Variants in CTNND2 observed in about 807,000 individuals in gnomAD.
CTNND2 encodes catenin delta 2.
CTNND2 carries 22 observed loss-of-function variants against 144.4 expected under a neutral mutation model. The ratio of observed to expected loss-of-function variants is 0.15; its 90% CI spans 0.11 to 0.22. The LOEUF is 0.22. Among genes scored for constraint, CTNND2 ranks in the 10% least tolerant of loss-of-function variants. The pLI, the probability that CTNND2 is intolerant of heterozygous loss-of-function variation, is 1.00. For synonymous variants in CTNND2, 751 were observed against 695.6 expected, an observed-to-expected ratio of 1.08 and a Z score of -1.25; for missense variants, 1,353 against 1,618.8, an observed-to-expected ratio of 0.84 and a Z score of 2.82.
chr5:11,015,280 T>A (rs530406640), intron 18 of CTNND2, among the ~76,000 whole-genome samples: 3 of 152,330 alleles, frequency 2.0e-5, no homozygotes, highest in African/African-American at 4.8e-5. Context: ...GGAAAGCTTT[T>A]TTGAATTTTG....
In CTNND2 at chr5:11,519,753, AAGGT is replaced by A. The variant is rs549474753; in HGVS notation, c.287+45187_287+45190del. On this transcript the variant is annotated intron_variant, in intron 3 of 21. Coordinates refer to ENST00000304623, the MANE Select transcript of CTNND2 (RefSeq NM_001332.4). Reference sequence around the variant, plus strand: ...GTTGGATAAATAAATGGAAGGAAGGAAGGTAGGTAGGTAGGTAGGTAGAGGTATA... The same window carrying A: ...GTTGGATAAATAAATGGAAGGAAGGAAGGTAGGTAGGTAGGTAGAGGTATA... Among the ~76,000 whole-genome samples, 378 of 152,060 alleles carry A rather than the reference AAGGT, an allele frequency of 2.5e-3. 3 individuals are homozygous for A. Among genetic ancestry groups the A allele is most frequent in the Middle Eastern group, 3.4e-3 (1 of 294 alleles).
intron 1 of CTNND2, among the ~76,000 whole-genome samples, chr5:11,897,248 G>A (rs189080852): frequency 6.6e-6 from 1 of 152,290 alleles, no homozygotes; most frequent in African/African-American, 2.4e-5. Flanking sequence ...GGTAATGACT[G>A]CTATATTAGT....
At chr5:11,891,816 T>C (rs966967289) in intron 1 of CTNND2, among the ~76,000 whole-genome samples, 3 of 152,214 alleles carry the variant, frequency 2.0e-5, no homozygotes, top group African/African-American at 7.2e-5. Flanking sequence ...AAAAATTTGG[T>C]GGAATCCTTC....
intron 5 of CTNND2, among the ~76,000 whole-genome samples, chr5:11,401,549 T>C (rs1760650644): frequency 6.6e-6 from 1 of 152,164 alleles, no homozygotes; most frequent in Admixed American, 6.5e-5. Context: ...TATTTGACCA[T>C]AGATGATGAT....
intron 3 of CTNND2, among the ~76,000 whole-genome samples, chr5:11,460,789 T>C (rs1373856280): frequency 6.6e-6 from 1 of 152,178 alleles, no homozygotes; most frequent in Non-Finnish European, 1.5e-5. Flanking sequence ...CTGTGGCTCA[T>C]GCCTGTAATC....
intron 12 of CTNND2, among the ~76,000 whole-genome samples, chr5:11,138,126 C>A (rs778730348): frequency 7.9e-5 from 12 of 152,174 alleles, no homozygotes; most frequent in South Asian, 2.1e-4. Flanking sequence ...AGGATCTTTC[C>A]CAGCTTCTAG....
chr5:11,788,947 C>T (rs887492356), intron 1 of CTNND2, among the ~76,000 whole-genome samples: 14 of 151,340 alleles, frequency 9.3e-5, no homozygotes, highest in South Asian at 6.3e-4. Flanking sequence ...TTTGTCCTTG[C>T]GATAGTTTGC....
chr5:11,003,379 C>G (rs1740158815), intron 18 of CTNND2, among the ~76,000 whole-genome samples: 1 of 152,124 alleles, frequency 6.6e-6, no homozygotes, highest in African/African-American at 2.4e-5. Context: ...AGGTAACCAG[C>G]TAAGACATTA....
At chr5:11,378,641 G>A (rs1758168219) in intron 7 of CTNND2, among the ~76,000 whole-genome samples, 1 of 152,198 alleles carries the variant, frequency 6.6e-6, no homozygotes, top group African/African-American at 2.4e-5. Flanking sequence ...GAAAGGAGCA[G>A]CAGGAGCCAG....
At chr5:11,564,248 C>T (rs1446418624) in intron 3 of CTNND2, among the ~76,000 whole-genome samples, 1 of 152,196 alleles carries the variant, frequency 6.6e-6, no homozygotes, top group Admixed American at 6.5e-5. Flanking sequence ...AACACACCAT[C>T]TAACAAGAGC....
At chr5:11,265,696 C>CTTT (rs1172002927) in intron 9 of CTNND2, among the ~76,000 whole-genome samples, 1 of 127,364 alleles carries the variant, frequency 7.9e-6, no homozygotes, top group African/African-American at 3.0e-5. Context: ...TATGTATTCT[C>CTTT]TATTTTTTTT....
chr5:11,583,036 T>C (rs1778561796), intron 2 of CTNND2, among the ~76,000 whole-genome samples: 1 of 152,224 alleles, frequency 6.6e-6, no homozygotes, highest in Non-Finnish European at 1.5e-5. Flanking sequence ...TAAGCAAGGC[T>C]GATAAAGTTT....
intron 18 of CTNND2, among the ~76,000 whole-genome samples, chr5:11,016,435 AT>A (rs938889876): frequency 1.3e-4 from 20 of 152,234 alleles, no homozygotes; most frequent in African/African-American, 3.4e-4. Flanking sequence ...GCTATTAAAT[AT>A]TTTTTTCCCC....
Position 11,384,726 on chromosome 5 carries a change from G to A in CTNND2, c.1116C>T (p.Tyr372=). 2 of 1,612,418 alleles carry A rather than the reference G, an allele frequency of 1.2e-6. No individual in the cohort carries two copies. The highest frequency in any genetic ancestry group is 1.7e-6 in the Non-Finnish European group (2 of 1,179,632). ...CATACAGCTCCTGCGAGTGCTTGCTGTACTGCTCGGACGCGTGGACCAGGC... is the reference window on the plus strand; with the variant it reads ...CATACAGCTCCTGCGAGTGCTTGCTATACTGCTCGGACGCGTGGACCAGGC... The part of the protein sequence containing the change: ...TKRLVHASEQ[Y]SKHSQELYAT... Residue 372 remains tyrosine, a synonymous_variant, in exon 7 of 22, where the codon TAC becomes TAT. Transcript: ENST00000304623. The surrounding 1 kb of genome is among the most constrained non-coding windows in gnomAD (Gnocchi z 5.2).
At chr5:11,857,341 G>T (rs1216961461) in intron 1 of CTNND2, among the ~76,000 whole-genome samples, 1 of 152,152 alleles carries the variant, frequency 6.6e-6, no homozygotes, top group Non-Finnish European at 1.5e-5. Context: ...CGATACAAAG[G>T]CACCGAGGCA....
At chr5:11,883,949 CAT>C (rs1465104770) in intron 1 of CTNND2, among the ~76,000 whole-genome samples, 2 of 152,140 alleles carry the variant, frequency 1.3e-5, no homozygotes, top group African/African-American at 2.4e-5. Flanking sequence ...GAGCTTTTTT[CAT>C]ATGTTTGTTG....
chr5:11,419,844 T>C (rs1037936245), intron 3 of CTNND2, among the ~76,000 whole-genome samples: 4 of 152,246 alleles, frequency 2.6e-5, no homozygotes, highest in Non-Finnish European at 4.4e-5. Flanking sequence ...TCTTATTGTC[T>C]TTTTCAATTT....
intron 16 of CTNND2, among the ~76,000 whole-genome samples, chr5:11,065,782 T>C (rs1747503447): frequency 1.3e-5 from 2 of 152,198 alleles, no homozygotes; most frequent in South Asian, 2.1e-4. Flanking sequence ...AAAGTCAAAA[T>C]ATTTTACCCC....
intron 3 of CTNND2, among the ~76,000 whole-genome samples, chr5:11,546,410 A>G (rs978886378): frequency 1.3e-5 from 2 of 152,114 alleles, no homozygotes; most frequent in African/African-American, 4.8e-5. Context: ...AAGACAAAAC[A>G]AAACAAAAAT....
Sources: gnomAD v4.1 joint callset for allele counts (sites outside exome capture counted in the v4.1 genomes callset) on GRCh38, gnomAD v4.1.1 for gene constraint, Gnocchi (gnomAD v3.1) non-coding constraint, MANE v1.5 for transcripts, NCBI Gene and HGNC (gene_info 2026-07-23, HGNC 2026-07-21) for gene names.